The following RFFL variants were observed in gnomAD, a reference collection of about 807,000 sequenced individuals.
RFFL encodes ring finger and FYVE like domain containing E3 ubiquitin protein ligase.
Under a neutral mutation model 40.4 loss-of-function variants are expected in RFFL, and 16 were observed. The observed-to-expected ratio is 0.40, with a 90% CI of 0.27 to 0.60. RFFL has a LOEUF of 0.60. Ranked by LOEUF, RFFL falls within the 20% of genes least tolerant of loss-of-function variation. The pLI, the probability that RFFL is intolerant of heterozygous loss-of-function variation, is 0.47. For synonymous variants in RFFL, 154 were observed against 167.9 expected (o/e 0.92, Z 0.64); for missense variants, 367 against 451.7 (o/e 0.81, Z 1.70).
chr17:35,012,001 A>G lies in RFFL; in HGVS notation c.1059T>C (p.Tyr353=), dbSNP rs751612861. The change falls in exon 7 of 7, where the codon TAT becomes TAC. Residue 353 remains tyrosine (Y), a synonymous_variant. Transcript: ENST00000394597. ...RMNECPICRQ[Y]VIRAVHVFRS is the part of the protein sequence containing the mutation. ...GGAAGACATGCACAGCTCGGATTAC[A>G]TACTGCCGGCAGATGGGACATTCAT... 7 of 1,614,164 alleles carry G rather than the reference A, an allele frequency of 4.3e-6. No homozygotes were observed. Among genetic ancestry groups the G allele is most frequent in the Non-Finnish European group, 5.9e-6 (7 of 1,180,026 alleles).
At chr17:35,020,339 G>A (rs960600428) in intron 3 of RFFL, among the ~76,000 whole-genome samples, 3 of 151,724 alleles carry the variant, frequency 2.0e-5, no homozygotes, top group African/African-American at 7.3e-5. Context: ...GTGAGTGGCT[G>A]GCAAGTAAGC....
chr17:35,022,985 G>A lies in RFFL; in HGVS notation c.181-1204C>T, dbSNP rs1043135657. Among the ~76,000 whole-genome samples, 26 of 152,262 alleles carry A rather than the reference G, an allele frequency of 1.7e-4. 1 individual carries two copies. The East Asian group carries it at 3.7e-3, about 21-fold the overall frequency. On this transcript the variant is annotated intron_variant, in intron 2 of 6. Coordinates refer to ENST00000394597, the MANE Select transcript of RFFL (RefSeq NM_001017368.2). Reference sequence around the variant, plus strand: ...ACTCAGCCCACAGGAAGCAATCCTCGGCCTCTCACCCCACAGGCTGAGTGA... The same window carrying A: ...ACTCAGCCCACAGGAAGCAATCCTCAGCCTCTCACCCCACAGGCTGAGTGA...
chr17:35,016,183 A>C (rs966144554), intron 5 of RFFL, among the ~76,000 whole-genome samples, 187 bp downstream of exon 5: 1 of 152,250 alleles, frequency 6.6e-6, no homozygotes, highest in Non-Finnish European at 1.5e-5. Context: ...AAATACATAC[A>C]TGCAATGCCT....
At position 35,008,415 on chromosome 17, in the gene RFFL, CT is replaced by C. The variant is rs2090911086; in HGVS notation, c.*3552del. The C allele has an allele frequency of 6.6e-6, 1 of 151,974 alleles. No individual in the cohort carries two copies. The highest frequency in any genetic ancestry group is 2.4e-5 in the African/African-American group (1 of 41,368). 9.4% of individuals were successfully genotyped at this position (151,974 alleles called of 1,614,324 possible). Reference sequence around the variant, plus strand: ...GGCCATGTGCACATCCCAGGATTAGCTTGTGGTTTATCAGTTGTCAATTTTT... The same window carrying C: ...GGCCATGTGCACATCCCAGGATTAGCTGTGGTTTATCAGTTGTCAATTTTT... On this transcript the variant is annotated 3_prime_UTR_variant, in exon 7 of 7. Transcript: ENST00000394597.
chr17:35,032,829 G>A (rs1184333431), intron 1 of RFFL, among the ~76,000 whole-genome samples: 1 of 152,030 alleles, frequency 6.6e-6, no homozygotes, highest in Non-Finnish European at 1.5e-5. Context: ...AGGGGGAACT[G>A]GAAGAGTGTT....
At chr17:35,055,781 A>T (rs944931321) in intron 1 of RFFL, among the ~76,000 whole-genome samples, 1 of 152,040 alleles carries the variant, frequency 6.6e-6, no homozygotes, top group African/African-American at 2.4e-5. Flanking sequence ...GACCATTTGC[A>T]TCCCTATTGT....
At chr17:35,019,804 G>A (rs1318680425) in intron 3 of RFFL, among the ~76,000 whole-genome samples, 1 of 152,032 alleles carries the variant, frequency 6.6e-6, no homozygotes, top group African/African-American at 2.4e-5. Context: ...CAGACCAAGA[G>A]TCAGAGCTTA....
chr17:35,035,762 G>A (rs1365368037), intron 1 of RFFL, among the ~76,000 whole-genome samples: 1 of 151,478 alleles, frequency 6.6e-6, no homozygotes, highest in African/African-American at 2.4e-5. Flanking sequence ...AGAGTGCAAC[G>A]GCAAGATCTC....
intron 1 of RFFL, among the ~76,000 whole-genome samples, chr17:35,075,603 T>C (rs1175056616): frequency 6.6e-6 from 1 of 152,226 alleles, no homozygotes; most frequent in Non-Finnish European, 1.5e-5. Context: ...GTTTCATTAT[T>C]GTTTAACTAC....
intron 1 of RFFL, among the ~76,000 whole-genome samples, chr17:35,044,650 G>A (rs1449795510): frequency 1.3e-5 from 2 of 152,150 alleles, no homozygotes; most frequent in African/African-American, 4.8e-5. Flanking sequence ...TGGGTAACTA[G>A]TAAATAATAA....
intron 1 of RFFL, among the ~76,000 whole-genome samples, chr17:35,070,469 C>T (rs1274839002): frequency 1.3e-5 from 2 of 152,096 alleles, no homozygotes; most frequent in African/African-American, 4.8e-5. Context: ...TTAAGTTAAT[C>T]GTATTAGAAA....
At chr17:35,026,801 G>A (rs1597817620) in intron 1 of RFFL, among the ~76,000 whole-genome samples, 1 of 152,164 alleles carries the variant, frequency 6.6e-6, no homozygotes, top group African/African-American at 2.4e-5. Flanking sequence ...CGCCTCCTGG[G>A]TTCAAGCGAT....
chr17:35,062,339 G>A (rs1438021096), intron 1 of RFFL, among the ~76,000 whole-genome samples: 1 of 152,010 alleles, frequency 6.6e-6, no homozygotes, highest in African/African-American at 2.4e-5. Flanking sequence ...GAAGGCAGAG[G>A]TTGCAGTGAG....
rs567903841 is a variant in RFFL at position 35,028,082 on chromosome 17, C to A, written c.-8-1521G>T. ...AGGTGTGGTGGCTCACGCCTATAAT[C>A]CCAGCACTTTGGGAAGCCAAGGTGG... On this transcript the variant is annotated intron_variant, in intron 1 of 6. Transcript: ENST00000394597. Among the ~76,000 whole-genome samples, 20 of 151,862 alleles carry A rather than the reference C, an allele frequency of 1.3e-4. No individual in the cohort carries two copies. In the South Asian group the frequency reaches 3.9e-3, roughly 30 times the overall value.
At chr17:35,082,620 A>G (rs2091408147) in intron 1 of RFFL, among the ~76,000 whole-genome samples, 1 of 152,222 alleles carries the variant, frequency 6.6e-6, no homozygotes, top group South Asian at 2.1e-4. Context: ...ATATTCCTGG[A>G]AAGAGATATA....
intron 1 of RFFL, among the ~76,000 whole-genome samples, chr17:35,086,482 T>A (rs1567720201): frequency 3.5e-5 from 5 of 143,996 alleles, no homozygotes; most frequent in African/African-American, 5.2e-5. Flanking sequence ...CCATCTCAAT[T>A]AAAAAAAAAA....
intron 1 of RFFL, among the ~76,000 whole-genome samples, chr17:35,075,688 T>C (rs1952477042): frequency 1.3e-5 from 2 of 152,346 alleles, no homozygotes; most frequent in Non-Finnish European, 1.5e-5. Flanking sequence ...ATGAAAAGCA[T>C]GCATGGAGAG....
chr17:35,006,018 T>A lies in RFFL; in HGVS notation c.*5950A>T. The A allele has an allele frequency of 4.1e-6, 1 of 246,630 alleles. No homozygotes were observed. The highest frequency in any genetic ancestry group is 8.0e-6 in the Non-Finnish European group (1 of 125,648). The allele number at this position is 246,630 out of a possible 1,614,324, so 15.3% of individuals were successfully genotyped here. Reference sequence around the variant, plus strand: ...CATTTTCTTCTTAGTTTTTAATTTCTTAAAGAAAATATACTCCATATCTGC... The same window carrying A: ...CATTTTCTTCTTAGTTTTTAATTTCATAAAGAAAATATACTCCATATCTGC... On this transcript the variant is annotated 3_prime_UTR_variant, in exon 7 of 7. Coordinates refer to ENST00000394597, the MANE Select transcript of RFFL (RefSeq NM_001017368.2).
chr17:35,040,198 C>G (rs564969192), intron 1 of RFFL, among the ~76,000 whole-genome samples: 1 of 152,280 alleles, frequency 6.6e-6, no homozygotes, highest in South Asian at 2.1e-4. Flanking sequence ...TGGCTTTCCT[C>G]CTACCTCAAA....
Sources: gnomAD v4.1 joint callset for allele counts (sites outside exome capture counted in the v4.1 genomes callset) on GRCh38, gnomAD v4.1.1 for gene constraint, MANE v1.5 for transcripts, NCBI Gene and HGNC (gene_info 2026-07-23, HGNC 2026-07-21) for gene names.